The following GLI2 variants were observed in gnomAD, a reference collection of about 807,000 sequenced individuals.
The protein encoded by GLI2 is GLI family zinc finger 2, also known as transcription activator GLI2.
GLI2 carries 22 observed loss-of-function variants against 78.9 expected under a neutral mutation model. The observed-to-expected ratio is 0.28, with a 90% CI of 0.20 to 0.40. GLI2 has a LOEUF of 0.40. Ranked by LOEUF, GLI2 falls within the 10% of genes least tolerant of loss-of-function variation. The probability of loss-of-function intolerance (pLI) is 1.00; values close to 1 mark genes in which losing one functional copy is unlikely to be tolerated. For missense variants in GLI2, 2,097 were observed against 2,213.2 expected (o/e 0.95, Z 1.05); for synonymous variants, 974 against 963.7 (o/e 1.01, Z -0.20).
intron 3 of GLI2, among the ~76,000 whole-genome samples, chr2:120,929,148 A>G (rs927905752): frequency 2.1e-4 from 32 of 152,172 alleles, no homozygotes; most frequent in Non-Finnish European, 7.3e-5. Flanking sequence ...TCATGATGAC[A>G]TTCGGATCAT....
rs142856393 is a variant in GLI2, at chr2:120,986,583, G to C, written c.2211G>C (p.Arg737=). 5 of 1,614,116 alleles carry C rather than the reference G, an allele frequency of 3.1e-6. No individual in the cohort carries two copies. In the East Asian group the frequency reaches 1.1e-4, roughly 36 times the overall value. ...CSWAGPTPHT[R]NTKLPPLPGS... ...GGGCCGGGCCGACTCCACACACGCG[G>C]AACACCAAGCTGCCTCCCCTCCCGG... Residue 737 remains arginine, a synonymous_variant, in exon 13 of 14, where the codon CGG becomes CGC. Transcript: ENST00000361492.
At position 120,986,640 on chromosome 2, in the gene GLI2, A is replaced by G. The variant is rs774121092; in HGVS notation, c.2242+26A>G. ...GTGAGTAAAGGCCTGGGGTTTGCAGATGGGGCAGAAGAGAGTCTGGGGCAG... is the reference window on the plus strand; with the variant it reads ...GTGAGTAAAGGCCTGGGGTTTGCAGGTGGGGCAGAAGAGAGTCTGGGGCAG... On this transcript the variant is annotated intron_variant, in intron 13 of 13. Transcript: ENST00000361492. 1.9e-6 allele frequency: 3 copies of G among 1,596,340 alleles called. No individual in the cohort carries two copies. The East Asian group carries it at 6.7e-5, about 36-fold the overall frequency.
chr2:120,778,607 C>T (rs573398152), intron 1 of GLI2, among the ~76,000 whole-genome samples: 1 of 152,208 alleles, frequency 6.6e-6, no homozygotes, highest in African/African-American at 2.4e-5. Context: ...TGGGGTGAGA[C>T]GGGGTGAAGT....
At position 120,955,295 on chromosome 2, in the gene GLI2, G is replaced by A. The variant is rs1400143753; in HGVS notation, c.508G>A (p.Gly170Ser). 6.2e-7 allele frequency: 1 copy of A among 1,612,894 alleles called. No individual in the cohort carries two copies. The highest frequency in any genetic ancestry group is 8.5e-7 in the Non-Finnish European group (1 of 1,179,284). ...GGGACTGTTTGGCCTTCCTGCTCCA[G>A]GCACCACCCCCTCAGACTATTACCA... ...ERGLFGLPAP[G>S]TTPSDYYHQM... Residue 170 changes from glycine (G) to serine (S), a missense_variant, in exon 5 of 14, where the codon GGC becomes AGC. By Grantham distance (56) the Gly-to-Ser change is moderately conservative (BLOSUM62 0). Transcript: ENST00000361492.
intron 3 of GLI2, among the ~76,000 whole-genome samples, chr2:120,936,285 T>C (rs924820156): frequency 6.6e-6 from 1 of 152,120 alleles, no homozygotes; most frequent in Non-Finnish European, 1.5e-5. Flanking sequence ...CTGTAAAGCA[T>C]GTAGAAGCAC....
chr2:120,839,266 G>A (rs1216649170), intron 2 of GLI2, among the ~76,000 whole-genome samples: 2 of 152,112 alleles, frequency 1.3e-5, no homozygotes, highest in African/African-American at 4.8e-5. Context: ...ATTTGTACAT[G>A]TTACAAAGTT....
At chr2:120,924,332 G>A (rs1485994648) in intron 2 of GLI2, among the ~76,000 whole-genome samples, 1 of 152,184 alleles carries the variant, frequency 6.6e-6, no homozygotes, top group Non-Finnish European at 1.5e-5. Context: ...CCTGGCACTT[G>A]GGAGCTGCCT....
chr2:120,933,775 A>C (rs1012433698), intron 3 of GLI2, among the ~76,000 whole-genome samples: 2 of 152,022 alleles, frequency 1.3e-5, no homozygotes, highest in Non-Finnish European at 2.9e-5. Flanking sequence ...GTAGAAGTCC[A>C]TGCTCCTGGT....
At chr2:120,766,539 G>C (rs1573357205) in intron 1 of GLI2, among the ~76,000 whole-genome samples, 1 of 152,200 alleles carries the variant, frequency 6.6e-6, no homozygotes, top group South Asian at 2.1e-4. Context: ...GGAAAGAAAG[G>C]CCCTCCCCTG....
intron 3 of GLI2, among the ~76,000 whole-genome samples, chr2:120,939,360 C>CCT (rs1393854229): frequency 2.0e-5 from 3 of 152,192 alleles, no homozygotes; most frequent in African/African-American, 7.2e-5. Context: ...CCTGCTCACT[C>CCT]TAAGGACTGA....
In GLI2 at chr2:120,980,542, A is replaced by G. The variant is rs184548029; in HGVS notation, c.1467+1959A>G. On this transcript the variant is annotated intron_variant, in intron 10 of 13. Transcript: ENST00000361492. ...TATATCTGGTTACTAGACCCTTGTC[A>G]GATATATGATTTGCAAATAATTCTC... 4.1e-3 allele frequency among the ~76,000 whole-genome samples: 624 copies of G among 152,330 alleles called. 1 individual carries two copies. Among genetic ancestry groups the G allele is most frequent in the Non-Finnish European group, 7.1e-3 (480 of 68,030 alleles).
intron 1 of GLI2, among the ~76,000 whole-genome samples, chr2:120,778,341 C>T (rs1683743104): frequency 6.6e-6 from 1 of 152,192 alleles, no homozygotes; most frequent in Admixed American, 6.5e-5. Flanking sequence ...CTCCTCACAG[C>T]GTCCCTCCTT....
At chr2:120,867,869 G>C (rs1448295178) in intron 2 of GLI2, among the ~76,000 whole-genome samples, 1 of 152,228 alleles carries the variant, frequency 6.6e-6, no homozygotes. Flanking sequence ...AGCTGGAGGG[G>C]AGGAGAGAGA....
intron 1 of GLI2, among the ~76,000 whole-genome samples, chr2:120,762,696 C>T (rs1295820993): frequency 6.6e-6 from 1 of 152,128 alleles, no homozygotes; most frequent in African/African-American, 2.4e-5. Flanking sequence ...TCAGCACCAG[C>T]CCCCAGGCCC....
intron 1 of GLI2, among the ~76,000 whole-genome samples, chr2:120,749,538 G>T (rs1436081054): frequency 6.6e-6 from 1 of 152,200 alleles, no homozygotes; most frequent in East Asian, 1.9e-4. Context: ...TTCCAGGCTG[G>T]CTTTGCCTGT....
chr2:120,917,728 G>A (rs1292063285), intron 2 of GLI2, among the ~76,000 whole-genome samples: 2 of 152,244 alleles, frequency 1.3e-5, no homozygotes, highest in East Asian at 1.9e-4. Flanking sequence ...TCCCAAGAGG[G>A]GAGTTATTGC....
chr2:120,872,520 G>A (rs1688517110), intron 2 of GLI2, among the ~76,000 whole-genome samples: 1 of 152,244 alleles, frequency 6.6e-6, no homozygotes, highest in East Asian at 1.9e-4. Flanking sequence ...CTGGCTGTGT[G>A]TGGTCAACAC....
intron 2 of GLI2, among the ~76,000 whole-genome samples, chr2:120,823,518 A>G (rs116029714): frequency 0.031 from 4,771 of 152,194 alleles, 110 homozygotes; most frequent in African/African-American, 0.067. Flanking sequence ...CTAGTGGGAG[A>G]GGATGAGAGA....
rs538565170 is a variant in GLI2 at position 120,931,261 on chromosome 2, C to T, written c.254+3795C>T. Among the ~76,000 whole-genome samples, 13 of 152,326 alleles carry T rather than the reference C, an allele frequency of 8.5e-5. No homozygotes were observed. In the East Asian group the frequency reaches 2.5e-3, roughly 29 times the overall value. On this transcript the variant is annotated intron_variant, in intron 3 of 13. Transcript: ENST00000361492. Reference sequence around the variant, plus strand: ...CTAGGTTCTGGAGGTTGCCTGCATTCCTTGGCTTACAGCCCCGTCCTCACA... The same window carrying T: ...CTAGGTTCTGGAGGTTGCCTGCATTTCTTGGCTTACAGCCCCGTCCTCACA...
Sources: allele counts gnomAD v4.1 joint callset (sites outside exome capture counted in the v4.1 genomes callset), GRCh38; gene constraint gnomAD v4.1.1; transcripts MANE v1.5; gene names NCBI Gene and HGNC (gene_info 2026-07-23, HGNC 2026-07-21).